ARID1A: variants seen among roughly 807,000 people sequenced by gnomAD.
ARID1A encodes the protein AT-rich interactive domain-containing protein 1A.
ARID1A carries 20 observed loss-of-function variants against 212.6 expected under a neutral mutation model. That is an observed-to-expected ratio of 0.09 (90% CI 0.07 to 0.14). The LOEUF is 0.14. ARID1A is among the 10% of genes least tolerant of loss of function. ARID1A has a pLI of 1.00. For missense variants in ARID1A, 2,587 were observed against 3,059.0 expected, an observed-to-expected ratio of 0.85 and a Z score of 3.64; for synonymous variants, 1,376 against 1,222.1, an observed-to-expected ratio of 1.13 and a Z score of -2.63.
chr1:26,708,397 G>T (rs1421467044), intron 1 of ARID1A, among the ~76,000 whole-genome samples: 2 of 137,462 alleles, frequency 1.5e-5, no homozygotes, highest in Non-Finnish European at 3.0e-5. Flanking sequence ...TGATTCTTCT[G>T]CCTCAGCCTC....
chr1:26,779,238 A>G lies in ARID1A; in HGVS notation c.5340A>G (p.Glu1780=), dbSNP rs2081167020. The change falls in exon 20 of 20, where the codon GAA becomes GAG. Residue 1780 remains glutamate, a synonymous_variant. Transcript: ENST00000324856. The part of the protein sequence containing the change: ...GPKLEEEEEE[E]VVENDEEIAF... ...AACTAGAAGAGGAAGAAGAAGAGGAAGTAGTTGAAAATGATGAGGAGATAG... is the reference window on the plus strand; with the variant it reads ...AACTAGAAGAGGAAGAAGAAGAGGAGGTAGTTGAAAATGATGAGGAGATAG... The G allele has an allele frequency of 1.2e-6, 2 of 1,614,042 alleles. No homozygotes were observed. Among genetic ancestry groups the G allele is most frequent in the African/African-American group, 2.7e-5 (2 of 74,938 alleles).
intron 12 of ARID1A, 182 bp from the exon 13 acceptor site, chr1:26,772,317 CA>C (rs2081089471): frequency 1.2e-6 from 1 of 831,238 alleles, no homozygotes; most frequent in Non-Finnish European, 1.9e-6. Flanking sequence ...CAAAGAGCTA[CA>C]AAACCCTCAG....
At chr1:26,746,997 G>A (rs1429336922) in intron 4 of ARID1A, among the ~76,000 whole-genome samples, 2 of 152,128 alleles carry the variant, frequency 1.3e-5, no homozygotes, top group Non-Finnish European at 2.9e-5. Context: ...AGCCAAGATC[G>A]CGCCACTGCA....
At chr1:26,773,743 G>C (rs2124114023) in intron 16 of ARID1A, 26 bp downstream of exon 16, 1 of 1,614,178 alleles carries the variant, frequency 6.2e-7, no homozygotes, top group African/African-American at 1.3e-5. Context: ...TCTCGGTGCT[G>C]CTATGGATCA....
In ARID1A at chr1:26,696,038, C is replaced by T. The variant is rs2124738486; in HGVS notation, c.-366C>T. 1.1e-5 allele frequency: 8 copies of T among 760,426 alleles called. No individual in the cohort carries two copies. The highest frequency in any genetic ancestry group is 9.2e-5 in the East Asian group (1 of 10,850). 47.1% of individuals were successfully genotyped at this position (760,426 alleles called of 1,614,324 possible). On this transcript the variant is annotated 5_prime_UTR_variant, in exon 1 of 20. Coordinates refer to ENST00000324856, the MANE Select transcript of ARID1A (RefSeq NM_006015.6). Reference sequence around the variant, plus strand: ...TCCTCCTTTCTCCGGCAGCAGAAAGCGGAGAGTCACAGCGGGGCCAGGCCC... The same window carrying T: ...TCCTCCTTTCTCCGGCAGCAGAAAGTGGAGAGTCACAGCGGGGCCAGGCCC...
At chr1:26,775,824 C>T (rs778664777) in intron 19 of ARID1A, 117 bp downstream of exon 19, 2 of 1,474,166 alleles carry the variant, frequency 1.4e-6, no homozygotes, top group South Asian at 2.4e-5. Context: ...TAGATATCTT[C>T]CATGCCAGTA....
chr1:26,769,400 G>C (rs777723487), intron 11 of ARID1A: 3 of 152,208 alleles, frequency 2.0e-5, no homozygotes, highest in Non-Finnish European at 2.9e-5. Flanking sequence ...GTTTGTGAAG[G>C]CTCCAAGAAA....
chr1:26,704,573 T>C (rs2080369400), intron 1 of ARID1A, among the ~76,000 whole-genome samples: 1 of 152,118 alleles, frequency 6.6e-6, no homozygotes, highest in African/African-American at 2.4e-5. Context: ...TAATACTGTT[T>C]TTGGCCGGGC....
At chr1:26,772,360 C>A in intron 12 of ARID1A, 140 bp from the exon 13 acceptor site, 3 of 1,250,744 alleles carry the variant, frequency 2.4e-6, no homozygotes, top group South Asian at 1.5e-5. Flanking sequence ...CCTTGTAGAT[C>A]CTCTGCTAAG....
At chr1:26,706,906 G>C (rs2080397552) in intron 1 of ARID1A, among the ~76,000 whole-genome samples, 1 of 152,196 alleles carries the variant, frequency 6.6e-6, no homozygotes, top group African/African-American at 2.4e-5. Context: ...TTAGTCTCCA[G>C]ATTTCTAACA....
Position 26,781,193 on chromosome 1 carries a change from T to C in ARID1A, c.*437T>C, listed in dbSNP as rs981301637. 18 of 239,262 alleles carry C rather than the reference T, an allele frequency of 7.5e-5. No homozygotes were observed. The highest frequency in any genetic ancestry group is 2.5e-3 in the Middle Eastern group (2 of 802). The allele number at this position is 239,262 out of a possible 1,614,324, so 14.8% of individuals were successfully genotyped here. ...AAAAAAAAAATACAAAAAAAAATTC[T>C]GAAGGACAAAAAAGGTGACTGCTGA... On this transcript the variant is annotated 3_prime_UTR_variant, in exon 20 of 20. Transcript: ENST00000324856.
intron 4 of ARID1A, among the ~76,000 whole-genome samples, chr1:26,747,679 T>G (rs1039135423): frequency 2.1e-5 from 3 of 143,026 alleles, no homozygotes; most frequent in Non-Finnish European, 4.6e-5. Context: ...GATCCCCATC[T>G]CTACCAAAAA....
intron 1 of ARID1A, among the ~76,000 whole-genome samples, chr1:26,702,529 C>G (rs2080340845): frequency 6.6e-6 from 1 of 152,156 alleles, no homozygotes; most frequent in South Asian, 2.1e-4. Context: ...TAAATACTTG[C>G]TGAGCTGTCA....
chr1:26,699,334 T>G (rs890222890), intron 1 of ARID1A, among the ~76,000 whole-genome samples: 1 of 152,224 alleles, frequency 6.6e-6, no homozygotes, highest in African/African-American at 2.4e-5. Flanking sequence ...GTGCTTTTGG[T>G]CAGGGATATT....
At chr1:26,751,590 C>G (rs1203570505) in intron 4 of ARID1A, among the ~76,000 whole-genome samples, 1 of 152,062 alleles carries the variant, frequency 6.6e-6, no homozygotes, top group African/African-American at 2.4e-5. Context: ...GGGGTAATAC[C>G]TATATCAGAA....
At chr1:26,709,956 C>T (rs1241977490) in intron 1 of ARID1A, among the ~76,000 whole-genome samples, 7 of 151,302 alleles carry the variant, frequency 4.6e-5, no homozygotes, top group Non-Finnish European at 1.0e-4. Context: ...CTCAGCCTCC[C>T]GAGTAGCTGG....
chr1:26,772,371 A>G, intron 12 of ARID1A, 129 bp from the exon 13 acceptor site: 23 of 1,348,484 alleles, frequency 1.7e-5, no homozygotes, highest in Non-Finnish European at 2.3e-5. Flanking sequence ...CTCTGCTAAG[A>G]AGGGTGATCA....
At chr1:26,765,090 C>T (rs181522957) in intron 8 of ARID1A, 2 of 152,302 alleles carry the variant, frequency 1.3e-5, no homozygotes. Flanking sequence ...CCCAGCTACT[C>T]ACGAGGCTGA....
chr1:26,772,315 T>C, intron 12 of ARID1A, 185 bp from the exon 13 acceptor site: 1 of 810,272 alleles, frequency 1.2e-6, no homozygotes, highest in South Asian at 1.9e-5. Flanking sequence ...AACAAAGAGC[T>C]ACAAAACCCT....
Sources: gnomAD v4.1 joint callset for allele counts (sites outside exome capture counted in the v4.1 genomes callset) on GRCh38, gnomAD v4.1.1 for gene constraint, MANE v1.5 for transcripts, NCBI Gene and HGNC (gene_info 2026-07-23, HGNC 2026-07-21) for gene names.